WDPCP: variants seen among roughly 807,000 people sequenced by gnomAD.
WDPCP encodes the protein WD repeat containing planar cell polarity effector, also known as WD repeat-containing and planar cell polarity effector protein fritz homolog.
WDPCP carries 71 observed loss-of-function variants against 93.1 expected under a neutral mutation model. That is an observed-to-expected ratio of 0.76 (90% confidence interval 0.63 to 0.93). The LOEUF is 0.93. Among genes scored for constraint, WDPCP ranks in the 40% least tolerant of loss-of-function variants. The pLI is 0.00. For missense variants in WDPCP, 844 were observed against 887.4 expected (o/e 0.95, Z 0.62); for synonymous variants, 315 against 315.0 (o/e 1.00, Z 0.00).
chr2:63,516,098 A>G (rs1054580261), intron 1 of WDPCP, among the ~76,000 whole-genome samples: 3 of 152,014 alleles, frequency 2.0e-5, no homozygotes, highest in African/African-American at 7.3e-5. Flanking sequence ...TGATGTAGCT[A>G]TATTTTTAAC....
At chr2:63,138,578 C>A (rs1426143224) in intron 17 of WDPCP, among the ~76,000 whole-genome samples, 1 of 151,698 alleles carries the variant, frequency 6.6e-6, no homozygotes, top group African/African-American at 2.4e-5. Context: ...TCAGCCTCCC[C>A]CATAGCTGGG....
At chr2:63,652,994 T>C (rs1186659746) in intron 2 of WDPCP, among the ~76,000 whole-genome samples, 1 of 147,926 alleles carries the variant, frequency 6.8e-6, no homozygotes. Context: ...TAATAGGCAG[T>C]GCAGTACTAT....
intron 3 of WDPCP, among the ~76,000 whole-genome samples, chr2:63,634,898 A>T (rs1709905358): frequency 6.6e-6 from 1 of 152,122 alleles, no homozygotes; most frequent in Admixed American, 6.5e-5. Context: ...AAATAAGTGA[A>T]ATAGAGAGTA....
At chr2:63,373,243 A>ATT (rs1302542655) in intron 12 of WDPCP, among the ~76,000 whole-genome samples, 2 of 119,876 alleles carry the variant, frequency 1.7e-5, no homozygotes, top group Non-Finnish European at 3.5e-5. Flanking sequence ...CTTTGTTTTC[A>ATT]TTTTTTTGTT....
In WDPCP at chr2:63,157,737, C is replaced by G. The variant is rs537756013; in HGVS notation, c.2079-4163G>C. Among the ~76,000 whole-genome samples the G allele has an allele frequency of 9.9e-5, 15 of 152,234 alleles. No individual in the cohort carries two copies. The South Asian group carries it at 2.9e-3, about 29-fold the overall frequency. ...GGTAAAGTTTAAGATAATGTACCCT[C>G]TTTCGTTCCTGATATCAATAATCTA... is the stretch of plus-strand genomic sequence containing the variant. On this transcript the variant is annotated intron_variant, in intron 15 of 17. Coordinates refer to ENST00000272321, the MANE Select transcript of WDPCP (RefSeq NM_015910.7).
intron 1 of WDPCP, among the ~76,000 whole-genome samples, chr2:63,579,847 C>T (rs754746157): frequency 7.9e-5 from 12 of 152,068 alleles, no homozygotes; most frequent in Non-Finnish European, 1.2e-4. Flanking sequence ...AAATTTGATG[C>T]TATTGTAATA....
At chr2:63,385,119 C>A (rs577737348) in intron 10 of WDPCP, among the ~76,000 whole-genome samples, 76 of 152,052 alleles carry the variant, frequency 5.0e-4, no homozygotes, top group African/African-American at 1.8e-3. Context: ...AAAAAAAATT[C>A]AACATCCACT....
intron 1 of WDPCP, among the ~76,000 whole-genome samples, chr2:63,498,579 A>G (rs1398635054): frequency 6.6e-6 from 1 of 152,244 alleles, no homozygotes; most frequent in East Asian, 1.9e-4. Flanking sequence ...TAGTTTCACT[A>G]CTATACTGTT....
intron 2 of WDPCP, among the ~76,000 whole-genome samples, chr2:63,691,168 A>AC (rs1422459102): frequency 6.6e-6 from 1 of 152,344 alleles, no homozygotes; most frequent in African/African-American, 2.4e-5. Context: ...ATTAATATGA[A>AC]CCAGGAAATT....
At chr2:63,837,171 T>G in the WDPCP span, among the ~76,000 whole-genome samples, 1 of 152,218 alleles carries the variant, frequency 6.6e-6, no homozygotes, top group Non-Finnish European at 1.5e-5. Flanking sequence ...AAGAATGAAG[T>G]CTTTCTCTTC....
chr2:63,658,698 C>T (rs1710194165), intron 2 of WDPCP, among the ~76,000 whole-genome samples: 2 of 152,228 alleles, frequency 1.3e-5, no homozygotes, highest in South Asian at 4.1e-4. Flanking sequence ...GTTTGCACCC[C>T]CAACCTGTGT....
In WDPCP at chr2:63,315,503, A is replaced by G. The variant is rs537867717; in HGVS notation, c.1749-2192T>C. Among the ~76,000 whole-genome samples, 4 of 152,330 alleles carry G rather than the reference A, an allele frequency of 2.6e-5. No homozygotes were observed. In the South Asian group the frequency reaches 8.3e-4, roughly 32 times the overall value. On this transcript the variant is annotated intron_variant, in intron 12 of 17. Transcript: ENST00000272321. Reference sequence around the variant, plus strand: ...ATCAAACAAGTATGAGTTCATAAAGATAATCAAAAACACAAGAAAACAAGG... The same window carrying G: ...ATCAAACAAGTATGAGTTCATAAAGGTAATCAAAAACACAAGAAAACAAGG...
chr2:63,126,673 T>TG (rs1339986613), intron 17 of WDPCP, among the ~76,000 whole-genome samples: 1 of 148,000 alleles, frequency 6.8e-6, no homozygotes, highest in Non-Finnish European at 1.5e-5. Flanking sequence ...TGTGTTTTTT[T>TG]TTTTTTTTTT....
At chr2:63,219,772 G>A (rs1479306034) in intron 14 of WDPCP, among the ~76,000 whole-genome samples, 3 of 152,120 alleles carry the variant, frequency 2.0e-5, no homozygotes, top group East Asian at 1.9e-4. Flanking sequence ...AGGCTGAGGC[G>A]GGCAGATCAC....
At chr2:63,835,147 G>C in the WDPCP span, among the ~76,000 whole-genome samples, 2 of 151,750 alleles carry the variant, frequency 1.3e-5, no homozygotes, top group Non-Finnish European at 2.9e-5. Context: ...AGCACTTTGG[G>C]AGGCCGAGGT....
intron 13 of WDPCP, among the ~76,000 whole-genome samples, chr2:63,294,971 A>G (rs1393822039): frequency 1.3e-5 from 2 of 152,178 alleles, no homozygotes; most frequent in African/African-American, 4.8e-5. Flanking sequence ...TAGAGTAAAC[A>G]ACTTGTAACA....
chr2:63,755,678 T>C (rs767249244), intron 2 of WDPCP, among the ~76,000 whole-genome samples: 2 of 152,258 alleles, frequency 1.3e-5, no homozygotes, highest in Non-Finnish European at 2.9e-5. Context: ...TCTGATAGAT[T>C]GTTTTTAAAA....
At chr2:63,789,860 A>G (rs1050646595) in intron 2 of WDPCP, among the ~76,000 whole-genome samples, 11 of 152,188 alleles carry the variant, frequency 7.2e-5, no homozygotes, top group Non-Finnish European at 1.3e-4. Flanking sequence ...GAATAGGATT[A>G]CATCAAGTCC....
intron 14 of WDPCP, among the ~76,000 whole-genome samples, chr2:63,238,374 G>A (rs143105172): frequency 4.0e-5 from 6 of 151,846 alleles, no homozygotes; most frequent in Non-Finnish European, 8.8e-5. Flanking sequence ...TGTGACTGGG[G>A]AACTACATTT....
Sources: allele counts gnomAD v4.1 joint callset (sites outside exome capture counted in the v4.1 genomes callset), GRCh38; gene constraint gnomAD v4.1.1; transcripts MANE v1.5; gene names NCBI Gene and HGNC (gene_info 2026-07-23, HGNC 2026-07-21).